The following PDE10A variants were observed in gnomAD, a reference collection of about 807,000 sequenced individuals.
PDE10A encodes the protein cAMP and cAMP-inhibited cGMP 3',5'-cyclic phosphodiesterase 10A.
PDE10A carries 39 observed loss-of-function variants against 97.7 expected under a neutral mutation model. The ratio of observed to expected loss-of-function variants is 0.40; its 90% CI spans 0.31 to 0.52. PDE10A has a LOEUF of 0.52. Among genes scored for constraint, PDE10A ranks in the 20% least tolerant of loss-of-function variants. The pLI, the probability that PDE10A is intolerant of heterozygous loss-of-function variation, is 0.56. For synonymous variants in PDE10A, 371 were observed against 376.8 expected (o/e 0.98, Z 0.18); for missense variants, 731 against 1,047.8 (o/e 0.70, Z 4.17).
chr6:165,428,737 A>T, intron 9 of PDE10A, 28 bp from the exon 10 acceptor site: 1 of 933,086 alleles, frequency 1.1e-6, no homozygotes, highest in Non-Finnish European at 1.7e-6. Flanking sequence ...AAATCCTGTA[A>T]GTAATTTCAT....
intron 1 of PDE10A, among the ~76,000 whole-genome samples, chr6:165,603,728 T>G (rs918997795): frequency 6.6e-6 from 1 of 152,236 alleles, no homozygotes; most frequent in Non-Finnish European, 1.5e-5. Flanking sequence ...CCCCTAATGG[T>G]ATTGAAAATG....
intron 1 of PDE10A, among the ~76,000 whole-genome samples, chr6:165,779,300 G>T (rs557302692): frequency 1.4e-5 from 2 of 139,450 alleles, no homozygotes; most frequent in Non-Finnish European, 3.4e-5. Context: ...AGAAAAACAA[G>T]TCATTGTTTA....
intron 1 of PDE10A, among the ~76,000 whole-genome samples, chr6:165,877,283 G>A (rs867007972): frequency 1.3e-5 from 2 of 151,976 alleles, no homozygotes; most frequent in Non-Finnish European, 2.9e-5. Context: ...TGATGCATTC[G>A]GACACCATAG....
At chr6:165,706,296 T>C (rs1791707248) in intron 1 of PDE10A, among the ~76,000 whole-genome samples, 1 of 152,204 alleles carries the variant, frequency 6.6e-6, no homozygotes. Flanking sequence ...CTTAATCCTA[T>C]GCTTACTAAG....
At chr6:165,347,671 A>G (rs1782406436) in intron 18 of PDE10A, among the ~76,000 whole-genome samples, 1 of 152,194 alleles carries the variant, frequency 6.6e-6, no homozygotes, top group Non-Finnish European at 1.5e-5. Context: ...CCAAATGGGA[A>G]CATTAGTGAT....
chr6:165,704,355 A>G (rs1378122791), intron 1 of PDE10A, among the ~76,000 whole-genome samples: 1 of 152,204 alleles, frequency 6.6e-6, no homozygotes, highest in Admixed American at 6.5e-5. Flanking sequence ...AACCGGCAAC[A>G]CTGGTGCCCA....
intron 1 of PDE10A, among the ~76,000 whole-genome samples, chr6:165,586,229 T>C (rs1464946580): frequency 6.6e-6 from 1 of 152,160 alleles, no homozygotes; most frequent in Non-Finnish European, 1.5e-5. Flanking sequence ...TCAAGTAAAC[T>C]TTTTAAAATT....
At chr6:165,455,223 A>G (rs1293521820) in intron 3 of PDE10A, among the ~76,000 whole-genome samples, 1 of 152,004 alleles carries the variant, frequency 6.6e-6, no homozygotes, top group South Asian at 2.1e-4. Flanking sequence ...AGAGACCCAA[A>G]CTCCACTGAG....
At chr6:165,518,171 T>C (rs1583452594) in intron 2 of PDE10A, among the ~76,000 whole-genome samples, 2 of 151,870 alleles carry the variant, frequency 1.3e-5, no homozygotes, top group East Asian at 3.9e-4. Context: ...AATCCATAAA[T>C]TATGAGAGCA....
intron 3 of PDE10A, among the ~76,000 whole-genome samples, chr6:165,456,933 A>G (rs1223572882): frequency 6.6e-6 from 1 of 152,226 alleles, no homozygotes; most frequent in East Asian, 1.9e-4. Flanking sequence ...CACTCAAACC[A>G]TAATATACTG....
intron 5 of PDE10A, among the ~76,000 whole-genome samples, chr6:165,442,389 C>T (rs564628905): frequency 2.8e-4 from 43 of 152,108 alleles, no homozygotes; most frequent in African/African-American, 7.7e-4. Flanking sequence ...TGAGAACATG[C>T]GGTGTTTGGT....
intron 1 of PDE10A, among the ~76,000 whole-genome samples, chr6:165,815,820 C>T (rs1583135079): frequency 6.6e-6 from 1 of 152,080 alleles, no homozygotes; most frequent in Admixed American, 6.5e-5. Context: ...CCCTTTTGTG[C>T]TGTATTTGGG....
rs181827048 is a variant in PDE10A at position 165,979,366 on chromosome 6, T to C, written c.-615+8163A>G. On this transcript the variant is annotated intron_variant, in intron 1 of 19. Transcript: ENST00000366882. ...CTCTCTCACCCATTCATACCAGGCA[T>C]TAGCACCTTAAAATTATGTCCTGAA... 8.1e-4 allele frequency among the ~76,000 whole-genome samples: 123 copies of C among 152,342 alleles called. 1 individual carries two copies. In the South Asian group the frequency reaches 0.016, roughly 20 times the overall value.
intron 1 of PDE10A, among the ~76,000 whole-genome samples, chr6:165,776,574 A>T (rs1264903934): frequency 6.6e-6 from 1 of 152,208 alleles, no homozygotes; most frequent in African/African-American, 2.4e-5. Flanking sequence ...CATCACTTAC[A>T]TTTGCAGAAC....
chr6:165,909,992 A>T (rs770247713), intron 1 of PDE10A, among the ~76,000 whole-genome samples: 2 of 152,026 alleles, frequency 1.3e-5, no homozygotes, highest in Non-Finnish European at 2.9e-5. Context: ...CACTCTCAAC[A>T]TATTTTTTAA....
chr6:165,922,243 T>C (rs1782776399), intron 1 of PDE10A, among the ~76,000 whole-genome samples: 1 of 152,126 alleles, frequency 6.6e-6, no homozygotes, highest in Non-Finnish European at 1.5e-5. Flanking sequence ...GTGAGTTTGG[T>C]CTTGATTGCC....
rs569223572 is a variant in PDE10A at position 165,729,106 on chromosome 6, G to T, written c.-614-185538C>A. ...GGTCCCAGCTACTTGGGAGGCTGAGGCAGGAGGATCTCTTGAGCTCAGGAT... is the reference window on the plus strand; with the variant it reads ...GGTCCCAGCTACTTGGGAGGCTGAGTCAGGAGGATCTCTTGAGCTCAGGAT... On this transcript the variant is annotated intron_variant, in intron 1 of 19. Coordinates refer to the PDE10A transcript ENST00000366882. Among the ~76,000 whole-genome samples, 65 of 151,966 alleles carry T rather than the reference G, an allele frequency of 4.3e-4. 1 individual carries two copies. The highest frequency in any genetic ancestry group is 3.4e-3 in the Middle Eastern group (1 of 294).
intron 1 of PDE10A, among the ~76,000 whole-genome samples, chr6:165,960,397 G>T (rs1016442696): frequency 1.3e-5 from 2 of 152,162 alleles, no homozygotes; most frequent in African/African-American, 2.4e-5. Flanking sequence ...CCTCATCCAC[G>T]GGATTCCAGG....
intron 1 of PDE10A, among the ~76,000 whole-genome samples, chr6:165,577,616 C>T (rs1373336628): frequency 2.0e-5 from 3 of 149,914 alleles, no homozygotes; most frequent in Admixed American, 6.6e-5. Context: ...CTCGTTCACC[C>T]CAGGTCCCCT....
Sources: allele counts gnomAD v4.1 joint callset (sites outside exome capture counted in the v4.1 genomes callset), GRCh38; gene constraint gnomAD v4.1.1; transcripts MANE v1.5; gene names NCBI Gene and HGNC (gene_info 2026-07-23, HGNC 2026-07-21).